TRHDE: variants seen among roughly 807,000 people sequenced by gnomAD.
The protein encoded by TRHDE is thyrotropin-releasing hormone-degrading ectoenzyme.
In TRHDE, 72 loss-of-function variants were observed where a neutral mutation model predicts 125.7. The ratio of observed to expected loss-of-function variants is 0.57; its 90% CI spans 0.47 to 0.70. The LOEUF (loss-of-function observed/expected upper bound fraction) is 0.70, where lower values mean the gene tolerates loss of function less well. TRHDE is among the 30% of genes least tolerant of loss of function. The pLI is 0.00. For missense variants in TRHDE, 1,110 were observed against 1,327.1 expected, an observed-to-expected ratio of 0.84 and a Z score of 2.54; for synonymous variants, 509 against 509.1, an observed-to-expected ratio of 1.00 and a Z score of 0.00.
At position 72,252,383 on chromosome 12, in the gene TRHDE, C is replaced by T. The variant is rs112138898; in HGVS notation, n.280-125612C>T. Among the ~76,000 whole-genome samples the T allele has an allele frequency of 1.2e-4, 19 of 152,196 alleles. 1 individual carries two copies. The highest frequency in any genetic ancestry group is 4.6e-4 in the African/African-American group (19 of 41,568). On this transcript the variant is annotated intron_variant and non_coding_transcript_variant, in intron 2 of 4. Coordinates refer to the TRHDE transcript ENST00000548156. ...TGCTTCAGCACAACTTGTTGCAAGG[C>T]TATCCTTCCTTCACTGAATTACTTC... is the stretch of plus-strand genomic sequence containing the variant.
intron 6 of TRHDE, among the ~76,000 whole-genome samples, chr12:72,518,714 T>C (rs1362099692): frequency 2.0e-5 from 3 of 152,128 alleles, no homozygotes; most frequent in Non-Finnish European, 4.4e-5. Flanking sequence ...ATTTTGCTCG[T>C]TAGTTGATGC....
intron 1 of TRHDE, among the ~76,000 whole-genome samples, chr12:72,089,520 G>A (rs957414048): frequency 6.6e-5 from 10 of 152,120 alleles, no homozygotes; most frequent in African/African-American, 2.2e-4. Context: ...AATCATTTAT[G>A]CTCTTGCACT....
intron 2 of TRHDE, among the ~76,000 whole-genome samples, chr12:72,176,945 G>GT (rs925556178): frequency 4.0e-5 from 6 of 151,838 alleles, no homozygotes; most frequent in Admixed American, 6.6e-5. Flanking sequence ...AAAATAAAAA[G>GT]TTTTTTTTGT....
At chr12:72,618,427 C>A (rs1872909273) in intron 12 of TRHDE, among the ~76,000 whole-genome samples, 1 of 152,036 alleles carries the variant, frequency 6.6e-6, no homozygotes. Context: ...AACAAACACT[C>A]AGAACTACAA....
intron 2 of TRHDE, among the ~76,000 whole-genome samples, chr12:72,189,212 A>G (rs1394295045): frequency 1.3e-5 from 2 of 152,256 alleles, no homozygotes; most frequent in Admixed American, 1.3e-4. Flanking sequence ...TAAATGATTG[A>G]TAACAGCTTA....
At chr12:72,459,416 G>T (rs370502619) in intron 3 of TRHDE, among the ~76,000 whole-genome samples, 94 of 152,210 alleles carry the variant, frequency 6.2e-4, no homozygotes, top group African/African-American at 2.2e-3. Context: ...CTTAACACTT[G>T]CTAGGTACTG....
At chr12:72,131,956 C>T (rs564756787) in intron 2 of TRHDE, among the ~76,000 whole-genome samples, 2 of 152,244 alleles carry the variant, frequency 1.3e-5, no homozygotes, top group South Asian at 2.1e-4. Context: ...AATGGAGTAA[C>T]GAATGATCAA....
intron 15 of TRHDE, 135 bp from the exon 16 acceptor site, chr12:72,652,187 C>A: frequency 2.3e-6 from 1 of 442,604 alleles, no homozygotes; most frequent in East Asian, 3.7e-5. Flanking sequence ...GTGTAGTATT[C>A]TGTTTCAGGT....
intron 2 of TRHDE, among the ~76,000 whole-genome samples, chr12:72,207,258 A>G (rs1359892974): frequency 3.3e-5 from 5 of 152,238 alleles, no homozygotes; most frequent in African/African-American, 1.2e-4. Flanking sequence ...GTCCAGTCAC[A>G]TTAGCTTAGA....
rs1420047949 is a variant in TRHDE at position 72,664,417 on chromosome 12, G to A, written c.*1222G>A. 2 of 152,418 alleles carry A rather than the reference G, an allele frequency of 1.3e-5. No homozygotes were observed. The highest frequency in any genetic ancestry group is 1.9e-4 in the East Asian group (1 of 5,164). 9.4% of individuals were successfully genotyped at this position (152,418 alleles called of 1,614,324 possible). A position where few individuals can be genotyped will look rare whatever the true frequency, so the allele number is the denominator to read the frequency against. ...TTTAATGACCTTTTGTGCCAGTTGT[G>A]CCATCCCTTAAGATGAAAAGTTCCT... On this transcript the variant is annotated 3_prime_UTR_variant, in exon 19 of 19. Transcript: ENST00000261180.
intron 2 of TRHDE, among the ~76,000 whole-genome samples, chr12:72,267,246 T>C (rs1879088723): frequency 6.6e-6 from 1 of 152,128 alleles, no homozygotes; most frequent in Non-Finnish European, 1.5e-5. Flanking sequence ...TGACTTTTTA[T>C]AGAGCTTTCT....
At chr12:72,353,647 T>C (rs1870684138) in intron 2 of TRHDE, among the ~76,000 whole-genome samples, 1 of 151,530 alleles carries the variant, frequency 6.6e-6, no homozygotes, top group Admixed American at 6.6e-5. Context: ...TGGATATAAA[T>C]GGAAATCTGT....
intron 5 of TRHDE, among the ~76,000 whole-genome samples, chr12:72,483,790 C>A (rs1369085005): frequency 6.6e-6 from 1 of 151,998 alleles, no homozygotes; most frequent in Non-Finnish European, 1.5e-5. Flanking sequence ...ATAAAGACTT[C>A]TTATTATCTG....
chr12:72,301,392 T>C (rs1419410671), intron 2 of TRHDE, among the ~76,000 whole-genome samples: 1 of 152,168 alleles, frequency 6.6e-6, no homozygotes, highest in African/African-American at 2.4e-5. Context: ...GAGACAGTCC[T>C]TTTACCTTAC....
chr12:72,257,031 T>C (rs1878834043), intron 2 of TRHDE: 2 of 152,230 alleles, frequency 1.3e-5, no homozygotes, highest in African/African-American at 2.4e-5. Flanking sequence ...GTCATTTTCA[T>C]GAGGCCACAA....
chr12:72,156,979 T>C (rs186876458), intron 2 of TRHDE, among the ~76,000 whole-genome samples: 1 of 152,266 alleles, frequency 6.6e-6, no homozygotes, highest in African/African-American at 2.4e-5. Flanking sequence ...CTGTTATTGC[T>C]AGGGTGATGG....
chr12:72,294,534 AGTC>A (rs1253340678), intron 2 of TRHDE, among the ~76,000 whole-genome samples: 1 of 152,020 alleles, frequency 6.6e-6, no homozygotes, highest in Non-Finnish European at 1.5e-5. Context: ...CTCTGCATCC[AGTC>A]GTCTGGATGT....
intron 5 of TRHDE, among the ~76,000 whole-genome samples, chr12:72,487,024 T>C (rs1877444464): frequency 6.6e-6 from 1 of 152,054 alleles, no homozygotes; most frequent in Admixed American, 6.6e-5. Context: ...AAAAATACAC[T>C]GAAGAGCTTC....
intron 12 of TRHDE, among the ~76,000 whole-genome samples, chr12:72,585,239 T>C (rs1871390956): frequency 6.6e-6 from 1 of 152,182 alleles, no homozygotes; most frequent in Non-Finnish European, 1.5e-5. Context: ...TCATTTCGTC[T>C]TTTCTCTTTC....
Sources: allele counts gnomAD v4.1 joint callset (sites outside exome capture counted in the v4.1 genomes callset), GRCh38; gene constraint gnomAD v4.1.1; transcripts MANE v1.5; gene names NCBI Gene and HGNC (gene_info 2026-07-23, HGNC 2026-07-21).